TP53BP2: variants seen among roughly 807,000 people sequenced by gnomAD.
The protein encoded by TP53BP2 is tumor protein p53 binding protein 2, also known as apoptosis-stimulating of p53 protein 2.
A neutral mutation model predicts 126.2 loss-of-function variants in TP53BP2; 62 were observed. The ratio of observed to expected loss-of-function variants is 0.49; its 90% CI spans 0.40 to 0.61. TP53BP2 has a LOEUF of 0.61. Among genes scored for constraint, TP53BP2 ranks in the 20% least tolerant of loss-of-function variants. The pLI, the probability that TP53BP2 is intolerant of heterozygous loss-of-function variation, is 0.00. For synonymous variants in TP53BP2, 485 were observed against 502.9 expected (o/e 0.96, Z 0.48); for missense variants, 1,215 against 1,402.8 (o/e 0.87, Z 2.14).
At chr1:223,803,560 T>G (rs1388430278) in intron 6 of TP53BP2, 108 bp from the exon 7 acceptor site, 1 of 1,077,842 alleles carries the variant, frequency 9.3e-7, no homozygotes, top group Non-Finnish European at 1.3e-6. Context: ...AGTAGAAAAA[T>G]TTTTCAGAAT....
At chr1:223,801,878 A>G (rs1662537574) in intron 9 of TP53BP2, 1 of 332,924 alleles carries the variant, frequency 3.0e-6, no homozygotes, top group African/African-American at 2.1e-5. Context: ...TAAAGATATT[A>G]TATTTTATTT....
At chr1:223,814,167 C>G (rs1663005982) in intron 3 of TP53BP2, 73 bp downstream of exon 3, 5 of 1,100,278 alleles carry the variant, frequency 4.5e-6, no homozygotes, top group Non-Finnish European at 6.8e-6. Context: ...GGCTTCTCAT[C>G]ATGTGCCACC....
intron 10 of TP53BP2, 38 bp from the exon 11 acceptor site, chr1:223,800,085 T>G: frequency 6.5e-7 from 1 of 1,547,842 alleles, no homozygotes; most frequent in South Asian, 1.2e-5. Context: ...TCAAACTGTT[T>G]AGAATAAAGT....
At chr1:223,783,597 G>A (rs537803795) in intron 17 of TP53BP2, among the ~76,000 whole-genome samples, 5 of 152,168 alleles carry the variant, frequency 3.3e-5, no homozygotes, top group Non-Finnish European at 5.9e-5. Flanking sequence ...TCCTCTGTCT[G>A]ACCATACGCC....
At position 223,845,153 on chromosome 1, in the gene TP53BP2, C is replaced by A. The variant is rs549435132; in HGVS notation, c.27+501G>T. 980 of 731,854 alleles carry A rather than the reference C, an allele frequency of 1.3e-3. 2 individuals are homozygous for A. The highest frequency in any genetic ancestry group is 1.6e-3 in the Non-Finnish European group (944 of 598,618). 45.3% of individuals were successfully genotyped at this position (731,854 alleles called of 1,614,324 possible). Reference sequence around the variant, plus strand: ...TTCCGAGATTGCATTTACCAAAACCCCTTTCCACAAAGAGGTAAGGGTGAC... The same window carrying A: ...TTCCGAGATTGCATTTACCAAAACCACTTTCCACAAAGAGGTAAGGGTGAC... On this transcript the variant is annotated intron_variant, in intron 1 of 17. Coordinates refer to ENST00000343537, the MANE Select transcript of TP53BP2 (RefSeq NM_001031685.3).
chr1:223,800,117 C>A, intron 10 of TP53BP2, 70 bp from the exon 11 acceptor site: 2 of 1,453,894 alleles, frequency 1.4e-6, no homozygotes, highest in South Asian at 1.5e-5. Flanking sequence ...TCGTAAGTTT[C>A]TCTCCCCTAA....
chr1:223,800,534 T>C (rs900427550), intron 10 of TP53BP2, among the ~76,000 whole-genome samples, 166 bp downstream of exon 10: 1 of 152,052 alleles, frequency 6.6e-6, no homozygotes, highest in Non-Finnish European at 1.5e-5. Context: ...CAGTGAGCCA[T>C]GAGCGCACCA....
chr1:223,814,930 G>A (rs1165987858), intron 2 of TP53BP2, among the ~76,000 whole-genome samples: 2 of 152,010 alleles, frequency 1.3e-5, no homozygotes, highest in African/African-American at 4.8e-5. Context: ...GAGAATACCA[G>A]TGTCAGAATT....
rs145020579 is a variant in TP53BP2, at chr1:223,784,356, T to TG, written c.3164-43dup. 7.7e-3 allele frequency: 12,210 copies of TG among 1,582,188 alleles called. 491 individuals carry two copies. The East Asian group carries it at 0.088, about 11-fold the overall frequency. On this transcript the variant is annotated intron_variant, in intron 16 of 17. Transcript: ENST00000343537. ...AAGATAAAGCACAGAATATACAACTTGGAGTATACCACTCTACAACTTTTA... is the reference window on the plus strand; with the variant it reads ...AAGATAAAGCACAGAATATACAACTTGGGAGTATACCACTCTACAACTTTTA...
chr1:223,798,532 G>A lies in TP53BP2; in HGVS notation c.1631C>T (p.Pro544Leu), dbSNP rs368547067. 2.8e-5 allele frequency: 45 copies of A among 1,614,024 alleles called. No homozygotes were observed. The African/African-American group carries it at 4.4e-4, about 16-fold the overall frequency. ...TGGTTTTGGTTTAGTTCCCATGGAC[G>A]GAACAACTGTTGACAACTGCTGAGA... ...GSSQQLSTVV[P>L]SMGTKPKPAG... The change falls in exon 12 of 18, where the codon CCG becomes CTG. Residue 544 changes from proline to leucine, a missense_variant. Transcript: ENST00000343537.
intron 1 of TP53BP2, among the ~76,000 whole-genome samples, chr1:223,834,376 G>A (rs1267209239): frequency 1.3e-5 from 2 of 152,116 alleles, no homozygotes; most frequent in East Asian, 3.8e-4. Flanking sequence ...TGCATTAGAG[G>A]GTTTTGAGCA....
chr1:223,812,485 C>T (rs113085463), intron 3 of TP53BP2, among the ~76,000 whole-genome samples: 2 of 152,232 alleles, frequency 1.3e-5, no homozygotes, highest in South Asian at 2.1e-4. Context: ...CGGGTTCAAG[C>T]GATTCTTCCA....
chr1:223,795,745 T>A (rs1174576299), intron 13 of TP53BP2, 70 bp downstream of exon 13: 2 of 1,360,530 alleles, frequency 1.5e-6, no homozygotes, highest in Non-Finnish European at 1.9e-6. Flanking sequence ...AGAAGATGAA[T>A]GTGACCACCA....
intron 1 of TP53BP2, among the ~76,000 whole-genome samples, chr1:223,827,358 A>G (rs1054771605): frequency 2.0e-5 from 3 of 152,234 alleles, no homozygotes; most frequent in African/African-American, 7.2e-5. Flanking sequence ...GACACCAGGA[A>G]CCAAGCAAAG....
intron 1 of TP53BP2, 118 bp from the exon 2 acceptor site, chr1:223,821,485 G>A (rs972263404): frequency 7.3e-7 from 1 of 1,372,886 alleles, no homozygotes; most frequent in Non-Finnish European, 1.0e-6. Flanking sequence ...CAACAGAACA[G>A]TCTGGCTGTC....
chr1:223,820,577 C>T (rs1035732369), intron 2 of TP53BP2, among the ~76,000 whole-genome samples: 1 of 152,146 alleles, frequency 6.6e-6, no homozygotes, highest in African/African-American at 2.4e-5. Context: ...TCATGAATGG[C>T]ATGAACTCAA....
At chr1:223,794,943 T>C (rs191571495) in intron 13 of TP53BP2, among the ~76,000 whole-genome samples, 22 of 152,346 alleles carry the variant, frequency 1.4e-4, no homozygotes, top group African/African-American at 5.1e-4. Flanking sequence ...AAAATTCTTT[T>C]AATGCTATTT....
In TP53BP2 at chr1:223,795,523, G is replaced by A. The variant is rs551961615; in HGVS notation, c.2724+292C>T. Among the ~76,000 whole-genome samples, 232 of 152,234 alleles carry A rather than the reference G, an allele frequency of 1.5e-3. 1 individual carries two copies. The highest frequency in any genetic ancestry group is 3.1e-3 in the Admixed American group (47 of 15,294). On this transcript the variant is annotated intron_variant, in intron 13 of 17. Coordinates refer to ENST00000343537, the MANE Select transcript of TP53BP2 (RefSeq NM_001031685.3). ...AACCCAGGTCTTTTGAGTCCCAGTC[G>A]GGTGCTGCTTCCCTAATATGTCACA...
At chr1:223,784,434 A>G in intron 16 of TP53BP2, 120 bp from the exon 17 acceptor site, 1 of 839,800 alleles carries the variant, frequency 1.2e-6, no homozygotes, top group Non-Finnish European at 1.9e-6. Flanking sequence ...TGTTAGTACT[A>G]CATTAAATAT....
Sources: allele counts gnomAD v4.1 joint callset (sites outside exome capture counted in the v4.1 genomes callset), GRCh38; gene constraint gnomAD v4.1.1; transcripts MANE v1.5; gene names NCBI Gene and HGNC (gene_info 2026-07-23, HGNC 2026-07-21).